Variants in PACC1 observed in about 807,000 individuals in gnomAD.
PACC1 encodes proton activated chloride channel 1.
In PACC1, 34 loss-of-function variants were observed where a neutral mutation model predicts 39.7. That is an observed-to-expected ratio of 0.86 (90% CI 0.65 to 1.14). The LOEUF (loss-of-function observed/expected upper bound fraction) is 1.14. PACC1 is among the 50% of genes most tolerant of loss of function. The pLI, the probability that PACC1 is intolerant of heterozygous loss-of-function variation, is 0.00. For synonymous variants in PACC1, 127 were observed against 160.6 expected, an observed-to-expected ratio of 0.79 and a Z score of 1.58; for missense variants, 379 against 436.4, an observed-to-expected ratio of 0.87 and a Z score of 1.17.
At chr1:212,413,774 G>A in intron 1 of PACC1, 1 of 1,060,404 alleles carries the variant, frequency 9.4e-7, no homozygotes, top group Non-Finnish European at 1.3e-6. Flanking sequence ...GGAATGCTCC[G>A]AGGTGAAGGC....
chr1:212,396,798 ATCTATCTATCT>A (rs1661540281), intron 2 of PACC1, among the ~76,000 whole-genome samples: 3 of 968 alleles, frequency 3.1e-3, no homozygotes, highest in African/African-American at 0.017. Flanking sequence ...GGAAAAAAAT[ATCTATCTATCT>A]ATCTATCTAT....
At chr1:212,393,768 T>C (rs1661415371) in intron 2 of PACC1, among the ~76,000 whole-genome samples, 2 of 151,640 alleles carry the variant, frequency 1.3e-5, no homozygotes, top group South Asian at 2.1e-4. Context: ...ACCACCGATC[T>C]CACAGAAATA....
rs1661678164 is a variant in PACC1 at position 212,400,654 on chromosome 1, TC to T, written c.133+9770del. ...ACAGTGCTGGTTATTTGATAAAATG[TC>T]CCACGCACTATGTAGTGAGAAAACT... is the stretch of plus-strand genomic sequence containing the variant. On this transcript the variant is annotated intron_variant, in intron 2 of 7. Coordinates refer to ENST00000261455, the MANE Select transcript of PACC1 (RefSeq NM_018252.3). Among the ~76,000 whole-genome samples, 5 of 152,328 alleles carry T rather than the reference TC, an allele frequency of 3.3e-5. No homozygotes were observed. The South Asian group carries it at 1.0e-3, about 32-fold the overall frequency.
chr1:212,378,532 C>G (rs1030624805), intron 5 of PACC1, among the ~76,000 whole-genome samples: 1 of 152,200 alleles, frequency 6.6e-6, no homozygotes, highest in Admixed American at 6.5e-5. Context: ...CCTGCTTGCT[C>G]TGAATGGAGC....
chr1:212,399,568 G>T (rs145410703), intron 2 of PACC1, among the ~76,000 whole-genome samples: 5 of 152,026 alleles, frequency 3.3e-5, no homozygotes, highest in East Asian at 3.9e-4. Flanking sequence ...CTCAAGTGGG[G>T]TCTCACTCTG....
intron 2 of PACC1, among the ~76,000 whole-genome samples, chr1:212,404,278 T>C (rs1307557685): frequency 6.6e-6 from 1 of 151,920 alleles, no homozygotes; most frequent in African/African-American, 2.4e-5. Context: ...GGCTAATTTT[T>C]TGTATTTTTA....
At chr1:212,383,575 C>T (rs1232681903) in intron 4 of PACC1, among the ~76,000 whole-genome samples, 1 of 152,126 alleles carries the variant, frequency 6.6e-6, no homozygotes, top group Non-Finnish European at 1.5e-5. Flanking sequence ...CATCTTGGTC[C>T]TTTTCTGTCA....
At chr1:212,402,275 C>A (rs1166308987) in intron 2 of PACC1, among the ~76,000 whole-genome samples, 1 of 152,212 alleles carries the variant, frequency 6.6e-6, no homozygotes, top group Non-Finnish European at 1.5e-5. Context: ...TTTTACATTC[C>A]TATCAGCAAC....
At chr1:212,414,520 G>T (rs930302844) in intron 1 of PACC1, among the ~76,000 whole-genome samples, 6 of 152,142 alleles carry the variant, frequency 3.9e-5, no homozygotes, top group Admixed American at 2.0e-4. Context: ...AGAACGCTGG[G>T]CGCCCGCTCC....
intron 2 of PACC1, among the ~76,000 whole-genome samples, chr1:212,401,814 C>T (rs1344567365): frequency 6.6e-6 from 1 of 151,338 alleles, no homozygotes; most frequent in Non-Finnish European, 1.5e-5. Context: ...ACTGGGATTA[C>T]AGGTGTGCAC....
At chr1:212,410,152 A>C in intron 2 of PACC1, 1 of 391,436 alleles carries the variant, frequency 2.6e-6, no homozygotes, top group Non-Finnish European at 4.8e-6. Flanking sequence ...GGGAAAGAGG[A>C]ACAGAAGAGC....
In PACC1 at chr1:212,400,619, TA is replaced by T. The variant is rs551343413; in HGVS notation, c.133+9805del. Among the ~76,000 whole-genome samples, 21 of 148,442 alleles carry T rather than the reference TA, an allele frequency of 1.4e-4. No homozygotes were observed. In the East Asian group the frequency reaches 3.1e-3, roughly 22 times the overall value. ...AACTAGACACCATTATACTTTATCATAAAAAAAAAACAGTGCTGGTTATTTG... is the reference window on the plus strand; with the variant it reads ...AACTAGACACCATTATACTTTATCATAAAAAAAAACAGTGCTGGTTATTTG... On this transcript the variant is annotated intron_variant, in intron 2 of 7. Coordinates refer to ENST00000261455, the MANE Select transcript of PACC1 (RefSeq NM_018252.3).
chr1:212,404,653 AC>A (rs1376705238), intron 2 of PACC1, among the ~76,000 whole-genome samples: 1 of 146,744 alleles, frequency 6.8e-6, no homozygotes, highest in African/African-American at 2.5e-5. Flanking sequence ...CCTACATGTT[AC>A]CTTTCCTTCA....
intron 4 of PACC1, 82 bp from the exon 5 acceptor site, chr1:212,380,119 GAAAGCC>G (rs775016649): frequency 4.1e-6 from 6 of 1,472,968 alleles, no homozygotes; most frequent in Non-Finnish European, 5.5e-6. Flanking sequence ...GTACTGACTG[GAAAGCC>G]CATAGCTCCT....
chr1:212,373,998 C>A (rs1340393739), intron 7 of PACC1, among the ~76,000 whole-genome samples: 1 of 145,332 alleles, frequency 6.9e-6, no homozygotes, highest in Non-Finnish European at 1.5e-5. Flanking sequence ...TATGATCCAG[C>A]AATCTCATTG....
At chr1:212,387,181 G>A in intron 2 of PACC1, 81 bp from the exon 3 acceptor site, 1 of 1,440,666 alleles carries the variant, frequency 6.9e-7, no homozygotes, top group Non-Finnish European at 9.5e-7. Context: ...CCAGGCCCTT[G>A]CCTGCCTCAC....
intron 2 of PACC1, among the ~76,000 whole-genome samples, chr1:212,393,085 T>C (rs997496774): frequency 1.6e-4 from 25 of 152,142 alleles, no homozygotes; most frequent in African/African-American, 5.5e-4. Flanking sequence ...ACCAAGCAGA[T>C]CTAACAGACA....
chr1:212,395,460 G>A (rs1471570866), intron 2 of PACC1, among the ~76,000 whole-genome samples: 7 of 152,250 alleles, frequency 4.6e-5, no homozygotes, highest in Middle Eastern at 3.4e-3. Flanking sequence ...AGACTTAAAT[G>A]TCAGACCTAA....
chr1:212,408,276 G>A (rs759538689), intron 2 of PACC1, among the ~76,000 whole-genome samples: 2 of 152,036 alleles, frequency 1.3e-5, no homozygotes, highest in South Asian at 2.1e-4. Flanking sequence ...AATGGGGTAC[G>A]ACAGATCCTG....
Sources: gnomAD v4.1 joint callset for allele counts (sites outside exome capture counted in the v4.1 genomes callset) on GRCh38, gnomAD v4.1.1 for gene constraint, MANE v1.5 for transcripts, NCBI Gene and HGNC (gene_info 2026-07-23, HGNC 2026-07-21) for gene names.